The following FBXO34 variants were observed in gnomAD, a reference collection of about 807,000 sequenced individuals.
FBXO34 encodes F-box only protein 34.
Under a neutral mutation model 24.5 loss-of-function variants are expected in FBXO34, and 12 were observed. That is an observed-to-expected ratio of 0.49 (90% CI 0.31 to 0.79). The LOEUF (loss-of-function observed/expected upper bound fraction) is 0.79. Among genes scored for constraint, FBXO34 ranks in the 30% least tolerant of loss-of-function variants. FBXO34 has a pLI of 0.04. For missense variants in FBXO34, 823 were observed against 857.7 expected (o/e 0.96, Z 0.51); for synonymous variants, 320 against 311.9 (o/e 1.03, Z -0.27).
At chr14:55,435,408 T>C in the FBXO34 span, among the ~76,000 whole-genome samples, 1 of 151,090 alleles carries the variant, frequency 6.6e-6, no homozygotes, top group South Asian at 2.1e-4. Flanking sequence ...CCTGAGTAGC[T>C]GGGATTACAG....
the FBXO34 span, chr14:55,386,093 G>C: frequency 1.2e-6 from 2 of 1,606,782 alleles, no homozygotes; most frequent in African/African-American, 2.7e-5. Context: ...AAGGCCTTCA[G>C]AATCTAAAAT....
Position 55,352,118 on chromosome 14 carries a change from T to C in FBXO34, c.1728T>C (p.Ala576=), listed in dbSNP as rs753388274. ...TTTTGGAGCCTCAGCAGTACATGGC[T>C]TTTCTGCCCCACCACATTATGGTAA... The part of the protein sequence containing the change: ...QQLLEPQQYM[A]FLPHHIMVKI... The change falls in exon 2 of 2, where the codon GCT becomes GCC. Residue 576 remains alanine (A), a synonymous_variant. Coordinates refer to ENST00000313833, the MANE Select transcript of FBXO34 (RefSeq NM_017943.4). 5.0e-6 allele frequency: 8 copies of C among 1,614,058 alleles called. No homozygotes were observed. Among genetic ancestry groups the C allele is most frequent in the Non-Finnish European group, 6.8e-6 (8 of 1,180,034 alleles).
the FBXO34 span, among the ~76,000 whole-genome samples, chr14:55,408,688 T>C: frequency 0.028 from 4,256 of 152,238 alleles, 217 homozygotes; most frequent in African/African-American, 0.097. Context: ...GGAGGATTGC[T>C]TGAGCCCAGG....
the FBXO34 span, chr14:55,391,157 G>A: frequency 4.5e-5 from 24 of 537,958 alleles, no homozygotes; most frequent in African/African-American, 2.6e-4. Flanking sequence ...AAAAGAGAAC[G>A]ATGTTTTTCT....
chr14:55,305,636 G>C (rs985118774), intron 1 of FBXO34, among the ~76,000 whole-genome samples: 4 of 150,300 alleles, frequency 2.7e-5, no homozygotes, highest in African/African-American at 9.8e-5. Flanking sequence ...AGTGGTTGTA[G>C]TGAGCCGAGA....
the FBXO34 span, among the ~76,000 whole-genome samples, chr14:55,386,431 A>C: frequency 1.1e-3 from 163 of 152,360 alleles, 3 homozygotes; most frequent in East Asian, 0.024. Flanking sequence ...ATTGGGCAGA[A>C]AAGAGATCTA....
chr14:55,283,195 A>G (rs1193148210), intron 1 of FBXO34, among the ~76,000 whole-genome samples: 3 of 152,158 alleles, frequency 2.0e-5, no homozygotes, highest in African/African-American at 7.2e-5. Flanking sequence ...TAAGAGCTTT[A>G]TGCTTTATTG....
chr14:55,427,660 C>A, the FBXO34 span, among the ~76,000 whole-genome samples: 1 of 152,086 alleles, frequency 6.6e-6, no homozygotes, highest in Non-Finnish European at 1.5e-5. Flanking sequence ...CCATGAGTCA[C>A]CCTCCATCCC....
Position 55,352,585 on chromosome 14 carries a change from A to C in FBXO34, c.*59A>C, listed in dbSNP as rs945705295. The C allele has an allele frequency of 1.4e-6, 2 of 1,412,804 alleles. No individual in the cohort carries two copies. Among genetic ancestry groups the C allele is most frequent in the Non-Finnish European group, 9.6e-7 (1 of 1,043,428 alleles). 87.5% of individuals were successfully genotyped at this position (1,412,804 alleles called of 1,614,324 possible). Reference sequence around the variant, plus strand: ...CTAAAGCTGCAAAACACCTAGATACACCGTTCAAATGAGCGTAGCCCCCTG... The same window carrying C: ...CTAAAGCTGCAAAACACCTAGATACCCCGTTCAAATGAGCGTAGCCCCCTG... On this transcript the variant is annotated 3_prime_UTR_variant, in exon 2 of 2. Transcript: ENST00000313833.
the FBXO34 span, among the ~76,000 whole-genome samples, chr14:55,378,327 C>A: frequency 4.6e-5 from 7 of 152,324 alleles, no homozygotes; most frequent in Non-Finnish European, 8.8e-5. Flanking sequence ...ACACAAATAT[C>A]TGCACACTAA....
intron 1 of FBXO34, among the ~76,000 whole-genome samples, chr14:55,293,553 A>G (rs1226622067): frequency 6.6e-6 from 1 of 152,134 alleles, no homozygotes; most frequent in Non-Finnish European, 1.5e-5. Context: ...TACTTTGAGT[A>G]CAGTATCGTC....
At chr14:55,289,327 G>T (rs1881865361) in intron 1 of FBXO34, among the ~76,000 whole-genome samples, 1 of 152,032 alleles carries the variant, frequency 6.6e-6, no homozygotes, top group South Asian at 2.1e-4. Context: ...TTTCAAAAAA[G>T]TTTGTATATT....
At chr14:55,324,662 T>TA (rs1883281500) in intron 1 of FBXO34, among the ~76,000 whole-genome samples, 1 of 152,180 alleles carries the variant, frequency 6.6e-6, no homozygotes, top group Admixed American at 6.5e-5. Context: ...TCTAGCTCTG[T>TA]ATAGGACTGT....
chr14:55,402,274 T>C, the FBXO34 span, among the ~76,000 whole-genome samples: 1 of 152,144 alleles, frequency 6.6e-6, no homozygotes, highest in African/African-American at 2.4e-5. Context: ...GGGCTAAACA[T>C]TTACTTTGTG....
At chr14:55,272,106 A>G (rs983177508) in intron 1 of FBXO34, 5 of 152,078 alleles carry the variant, frequency 3.3e-5, no homozygotes, top group Non-Finnish European at 5.9e-5. Context: ...CGATGAAGTC[A>G]TAGGGCTGTG....
chr14:55,338,121 C>T (rs9652341), intron 1 of FBXO34, among the ~76,000 whole-genome samples: 14,284 of 140,626 alleles, frequency 0.1, 1,945 homozygotes, highest in African/African-American at 0.32. Flanking sequence ...ACGATCTCAG[C>T]TCACTGCAAC....
chr14:55,412,041 G>A, the FBXO34 span, among the ~76,000 whole-genome samples: 1 of 152,194 alleles, frequency 6.6e-6, no homozygotes, highest in East Asian at 1.9e-4. Flanking sequence ...GGGGCTAGTC[G>A]GCCAAACAAA....
At chr14:55,429,538 C>T in the FBXO34 span, among the ~76,000 whole-genome samples, 1 of 152,092 alleles carries the variant, frequency 6.6e-6, no homozygotes, top group African/African-American at 2.4e-5. Context: ...CTGAGGCAGG[C>T]AGCTCACCTG....
intron 1 of FBXO34, among the ~76,000 whole-genome samples, chr14:55,312,815 A>AC (rs1882793832): frequency 1.3e-5 from 2 of 152,122 alleles, no homozygotes; most frequent in Admixed American, 6.5e-5. Flanking sequence ...GGCCCAGGAA[A>AC]CCATTTTTTC....
Sources: gnomAD v4.1 joint callset for allele counts (sites outside exome capture counted in the v4.1 genomes callset) on GRCh38, gnomAD v4.1.1 for gene constraint, MANE v1.5 for transcripts, NCBI Gene and HGNC (gene_info 2026-07-23, HGNC 2026-07-21) for gene names.